Variants in MELTF observed in about 807,000 individuals in gnomAD.
MELTF encodes melanotransferrin.
A neutral mutation model predicts 83.7 loss-of-function variants in MELTF; 67 were observed. The observed-to-expected ratio is 0.80, with a 90% CI of 0.66 to 0.98. The LOEUF (loss-of-function observed/expected upper bound fraction) is 0.98, where lower values mean the gene tolerates loss of function less well. MELTF is among the 50% of genes least tolerant of loss of function. MELTF has a pLI of 0.00. For missense variants in MELTF, 1,002 were observed against 1,035.6 expected (o/e 0.97, Z 0.44); for synonymous variants, 462 against 447.6 (o/e 1.03, Z -0.41).
rs1308640989 is a variant in MELTF, at chr3:197,017,272, C to G, written c.731G>C (p.Trp244Ser). 1 of 1,564,456 alleles carries G rather than the reference C, an allele frequency of 6.4e-7. No homozygotes were observed. The highest frequency in any genetic ancestry group is 1.3e-5 in the African/African-American group (1 of 74,202). Residue 244 changes from tryptophan to serine, a missense_variant, in exon 7 of 16, where the codon TGG (tryptophan) becomes TCG (serine). Trp to Ser is a radical substitution (Grantham distance 177). Transcript: ENST00000296350. ...GTCCTGTGACAGCAGGGCCTGGCCC[C>G]AGGAGGGAAGCGTCTTCCCTGGGAA... is the stretch of plus-strand genomic sequence containing the variant. Reference protein sequence around the residue: ...ENTDGKTLPSWGQALLSQDFE... With the variant: ...ENTDGKTLPSSGQALLSQDFE...
At chr3:197,009,501 C>G (rs1192343414) in intron 11 of MELTF, 117 bp downstream of exon 11, 1 of 950,746 alleles carries the variant, frequency 1.1e-6, no homozygotes, top group Non-Finnish European at 1.6e-6. Context: ...GATACCTGGG[C>G]ACATATGCAG....
At chr3:197,026,861 G>T in intron 2 of MELTF, 102 bp from the exon 3 acceptor site, 1 of 921,078 alleles carries the variant, frequency 1.1e-6, no homozygotes, top group Admixed American at 2.0e-5. Context: ...CCAAGCCCCA[G>T]AGGGCTGTGC....
Position 197,003,586 on chromosome 3 carries a change from C to T in MELTF, c.2138-135G>A. Reference sequence around the variant, plus strand: ...AGCCTCCCTCTTTGTGCTCCTTTCCCCTGCTGCCCTTCCAGATGCGCTCTT... The same window carrying T: ...AGCCTCCCTCTTTGTGCTCCTTTCCTCTGCTGCCCTTCCAGATGCGCTCTT... On this transcript the variant is annotated intron_variant, in intron 15 of 15. Transcript: ENST00000296350. This position sits in a 1 kb window ranked among gnomAD's most constrained non-coding sequence, Gnocchi z 6.2. 1.4e-6 allele frequency: 1 copy of T among 715,674 alleles called. No homozygotes were observed. The highest frequency in any genetic ancestry group is 2.7e-5 in the South Asian group (1 of 37,668). 44.3% of individuals were successfully genotyped at this position (715,674 alleles called of 1,614,324 possible).
At position 197,009,726 on chromosome 3, in the gene MELTF, T is replaced by G. The variant is rs1577929190; in HGVS notation, c.1417A>C (p.Lys473Gln). 1.9e-6 allele frequency: 3 copies of G among 1,613,576 alleles called. No individual in the cohort carries two copies. The highest frequency in any genetic ancestry group is 2.5e-6 in the Non-Finnish European group (3 of 1,180,030). ...CCGAAACCGGCGTGGCAGGAGCGCT[T>G]GCCCCGAAGCTCATCCAAGGTGAAG... ...HAFTLDELRG[K>Q]RSCHAGFGSP... Residue 473 changes from lysine (K) to glutamine (Q), a missense_variant, in exon 11 of 16, where the codon AAG becomes CAG. Lys to Gln is a moderately conservative substitution (Grantham distance 53). Coordinates refer to ENST00000296350, the MANE Select transcript of MELTF (RefSeq NM_005929.6).
intron 3 of MELTF, chr3:197,025,595 T>C (rs1200301006): frequency 6.6e-6 from 1 of 152,318 alleles, no homozygotes; most frequent in Non-Finnish European, 1.5e-5. Context: ...GAAGGTCTCT[T>C]CGTTTACTGC....
rs1718849332 is a variant in MELTF, at chr3:197,003,580, C to T, written c.2138-129G>A. On this transcript the variant is annotated intron_variant, in intron 15 of 15. Coordinates refer to ENST00000296350, the MANE Select transcript of MELTF (RefSeq NM_005929.6). This position sits in a 1 kb window ranked among gnomAD's most constrained non-coding sequence, Gnocchi z 6.2. ...CGCCGCAGCCTCCCTCTTTGTGCTC[C>T]TTTCCCCTGCTGCCCTTCCAGATGC... 3 of 713,876 alleles carry T rather than the reference C, an allele frequency of 4.2e-6. No homozygotes were observed. The highest frequency in any genetic ancestry group is 6.1e-6 in the Non-Finnish European group (3 of 491,692). 44.2% of individuals were successfully genotyped at this position (713,876 alleles called of 1,614,324 possible).
In MELTF at chr3:197,015,507, G is replaced by A. The variant is rs768611749; in HGVS notation, c.1091C>T (p.Pro364Leu). The change falls in exon 9 of 16, where the codon CCC (proline) becomes CTC (leucine). Residue 364 changes from proline to leucine, a missense_variant. Transcript: ENST00000296350. Reference sequence around the variant, plus strand: ...GGAGAGCACACACCAGCGCAGGTAGGGGGGCAGCCCTGGGGTGGGGCAAGC... The same window carrying A: ...GGAGAGCACACACCAGCGCAGGTAGAGGGGCAGCCCTGGGGTGGGGCAAGC... ...GLLCDPNRLP[P>L]YLRWCVLSTP... 10 of 1,610,828 alleles carry A rather than the reference G, an allele frequency of 6.2e-6. No individual in the cohort carries two copies. The East Asian group carries it at 2.2e-4, about 36-fold the overall frequency.
At chr3:197,019,550 C>T (rs1719533797) in intron 6 of MELTF, 23 of 1,560,060 alleles carry the variant, frequency 1.5e-5, no homozygotes, top group Non-Finnish European at 1.8e-5. Context: ...CCAGCCTGGG[C>T]AACATGGTGA....
chr3:197,021,375 C>A, intron 6 of MELTF, 29 bp downstream of exon 6: 1 of 1,612,794 alleles, frequency 6.2e-7, no homozygotes, highest in Non-Finnish European at 8.5e-7. Context: ...CTCCCTGCTC[C>A]TCTGGGCCCG....
intron 4 of MELTF, chr3:197,023,973 C>T (rs141835019): frequency 8.9e-6 from 5 of 559,752 alleles, no homozygotes; most frequent in East Asian, 4.2e-5. Flanking sequence ...CAGTGACCTG[C>T]GCCCGGTCTA....
At position 197,014,426 on chromosome 3, in the gene MELTF, C is replaced by CAA. The variant is rs1432358649; in HGVS notation, c.1233+938_1233+939insTT. The stretch of plus-strand genomic sequence containing the variant: ...TTTTTTGAGACAGTCTCTCTCTTGT[C>CAA]GCCCAGGCTGGAGTGCAATGGTGTG... On this transcript the variant is annotated intron_variant, in intron 9 of 15. Transcript: ENST00000296350. Among the ~76,000 whole-genome samples the CAA allele has an allele frequency of 2.5e-5, 3 of 121,592 alleles. No homozygotes were observed. The Admixed American group carries it at 3.1e-4, about 13-fold the overall frequency. The allele number at this position is 121,592 out of a possible 152,430, so 79.8% of individuals were successfully genotyped here.
rs1339927671 is a variant in MELTF at position 197,007,832 on chromosome 3, C to T, written c.1750+825G>A. On this transcript the variant is annotated intron_variant, in intron 13 of 15. Coordinates refer to ENST00000296350, the MANE Select transcript of MELTF (RefSeq NM_005929.6). This position sits in a 1 kb window ranked among gnomAD's most constrained non-coding sequence, Gnocchi z 4.3. The stretch of plus-strand genomic sequence containing the variant: ...CCTGCACGTCTTGCTTCCCATTGTC[C>T]AGTCCCCTCCCCACCGGGCCACAGT... Among the ~76,000 whole-genome samples the T allele has an allele frequency of 6.6e-6, 1 of 152,184 alleles. No homozygotes were observed. The highest frequency in any genetic ancestry group is 1.5e-5 in the Non-Finnish European group (1 of 68,026).
chr3:197,008,749 C>T lies in MELTF; in HGVS notation c.1683-25G>A, dbSNP rs781729741. 8 of 1,613,858 alleles carry T rather than the reference C, an allele frequency of 5.0e-6. No individual in the cohort carries two copies. The highest frequency in any genetic ancestry group is 1.1e-5 in the South Asian group (1 of 91,042). On this transcript the variant is annotated intron_variant, in intron 12 of 15. Transcript: ENST00000296350. The surrounding 1 kb of genome is among the most constrained non-coding windows in gnomAD (Gnocchi z 5.4). The stretch of plus-strand genomic sequence containing the variant: ...CCTGCCACACAGAGGGCAGGGCAGG[C>T]GTCGGCAGGAGGGTCCCAGCCTCTG...
chr3:197,024,614 A>G lies in MELTF; in HGVS notation c.305-129T>C, dbSNP rs2148592303. The G allele has an allele frequency of 3.0e-6, 2 of 662,310 alleles. No individual in the cohort carries two copies. The highest frequency in any genetic ancestry group is 7.2e-5 in the South Asian group (2 of 27,862). 41.0% of individuals were successfully genotyped at this position (662,310 alleles called of 1,614,324 possible). On this transcript the variant is annotated intron_variant, in intron 3 of 15. Transcript: ENST00000296350. The surrounding 1 kb of genome is among the most constrained non-coding windows in gnomAD (Gnocchi z 5.3). The stretch of plus-strand genomic sequence containing the variant: ...CACGGCTGTACACACGGATGTGTGC[A>G]TAGCGTTCTCGTTACCAAGAGAGCA...
Position 197,021,455 on chromosome 3 carries a change from C to T in MELTF, c.661G>A (p.Ala221Thr), listed in dbSNP as rs754810538. The T allele has an allele frequency of 6.2e-7, 1 of 1,614,030 alleles. No homozygotes were observed. The highest frequency in any genetic ancestry group is 1.1e-5 in the South Asian group (1 of 91,080). Residue 221 changes from alanine (A) to threonine (T), a missense_variant, in exon 6 of 16, where the codon GCA becomes ACA. Transcript: ENST00000296350. The part of the protein sequence containing the change: ...SGAFRCLAEG[A>T]GDVAFVKHST... ...TGCTTCACAAAAGCCACGTCCCCTGCCCCTTCCGCCAGGCACCTGCGGAGG... is the reference window on the plus strand; with the variant it reads ...TGCTTCACAAAAGCCACGTCCCCTGTCCCTTCCGCCAGGCACCTGCGGAGG...
At chr3:197,012,434 G>C (rs1405167601) in intron 9 of MELTF, among the ~76,000 whole-genome samples, 6 of 152,260 alleles carry the variant, frequency 3.9e-5, no homozygotes. Flanking sequence ...GGGAGTGTCA[G>C]CTTGCGCGAT....
chr3:197,008,794 A>T lies in MELTF; in HGVS notation c.1682+15T>A. 6.2e-7 allele frequency: 1 copy of T among 1,614,046 alleles called. No individual in the cohort carries two copies. The highest frequency in any genetic ancestry group is 8.5e-7 in the Non-Finnish European group (1 of 1,179,964). ...CCTCTGCACACAGCCCCAGACTGCCAGGCCACCCGGGTACCTGAAGGCGCC... is the reference window on the plus strand; with the variant it reads ...CCTCTGCACACAGCCCCAGACTGCCTGGCCACCCGGGTACCTGAAGGCGCC... On this transcript the variant is annotated intron_variant, in intron 12 of 15. Coordinates refer to ENST00000296350, the MANE Select transcript of MELTF (RefSeq NM_005929.6). This position sits in a 1 kb window ranked among gnomAD's most constrained non-coding sequence, Gnocchi z 5.4.
Position 197,003,729 on chromosome 3 carries a change from C to T in MELTF, c.2137+172G>A. On this transcript the variant is annotated intron_variant, in intron 15 of 15. Coordinates refer to ENST00000296350, the MANE Select transcript of MELTF (RefSeq NM_005929.6). The surrounding 1 kb of genome is among the most constrained non-coding windows in gnomAD (Gnocchi z 6.2). ...CTGGGAGACCCGCCGGGCTCCCGCC[C>T]TCCCGGCCCGCAGCCTCCTGGCCAA... The T allele has an allele frequency of 2.6e-6, 2 of 754,908 alleles. No homozygotes were observed. The highest frequency in any genetic ancestry group is 4.2e-6 in the Non-Finnish European group (2 of 477,438). The allele number at this position is 754,908 out of a possible 1,614,324, so 46.8% of individuals were successfully genotyped here. A position where few individuals can be genotyped will look rare whatever the true frequency, so the allele number is the denominator to read the frequency against.
chr3:197,017,745 C>T lies in MELTF; in HGVS notation c.713-455G>A, dbSNP rs578174193. Among the ~76,000 whole-genome samples the T allele has an allele frequency of 7.7e-3, 1,178 of 152,018 alleles. 9 individuals are homozygous for T. The highest frequency in any genetic ancestry group is 0.012 in the Non-Finnish European group (791 of 67,942). ...ACAAAAAATTAGCTGGGCGTGGTGG[C>T]GGGCGCCTGTAATCCCAGCTACTGG... On this transcript the variant is annotated intron_variant, in intron 6 of 15. Coordinates refer to ENST00000296350, the MANE Select transcript of MELTF (RefSeq NM_005929.6).
Sources: gnomAD v4.1 joint callset for allele counts (sites outside exome capture counted in the v4.1 genomes callset) on GRCh38, gnomAD v4.1.1 for gene constraint, Gnocchi (gnomAD v3.1) non-coding constraint, MANE v1.5 for transcripts, NCBI Gene and HGNC (gene_info 2026-07-23, HGNC 2026-07-21) for gene names.